The following NRG3 variants were observed in gnomAD, a reference collection of about 807,000 sequenced individuals.
NRG3 encodes the protein neuregulin 3, also known as pro-neuregulin-3, membrane-bound isoform.
Under a neutral mutation model 66.9 loss-of-function variants are expected in NRG3, and 31 were observed. That is an observed-to-expected ratio of 0.46 (90% CI 0.35 to 0.63). NRG3 has a LOEUF of 0.63. Ranked by LOEUF, NRG3 falls within the 20% of genes least tolerant of loss-of-function variation. The pLI is 0.00. For synonymous variants in NRG3, 393 were observed against 359.4 expected, an observed-to-expected ratio of 1.09 and a Z score of -1.06; for missense variants, 910 against 878.9, an observed-to-expected ratio of 1.04 and a Z score of -0.45.
intron 4 of NRG3, among the ~76,000 whole-genome samples, chr10:82,931,172 T>C: frequency 6.6e-6 from 1 of 152,196 alleles, no homozygotes. Flanking sequence ...TACTAGAAAT[T>C]TGGGAGCCAT....
At chr10:82,694,288 A>G (rs2055196326) in intron 2 of NRG3, among the ~76,000 whole-genome samples, 1 of 152,204 alleles carries the variant, frequency 6.6e-6, no homozygotes, top group African/African-American at 2.4e-5. Context: ...GCTAGACACA[A>G]AAGTTCTTCA....
At chr10:82,824,457 A>AG (rs926819431) in intron 3 of NRG3, among the ~76,000 whole-genome samples, 6 of 152,160 alleles carry the variant, frequency 3.9e-5, no homozygotes, top group African/African-American at 1.4e-4. Context: ...TGTTTTCTGA[A>AG]GGGGTTACCC....
At chr10:81,940,149 C>T (rs545007545) in intron 1 of NRG3, among the ~76,000 whole-genome samples, 73 of 152,062 alleles carry the variant, frequency 4.8e-4, no homozygotes, top group Non-Finnish European at 8.7e-4. Flanking sequence ...TTAGTTCAGT[C>T]TTCTTAAATG....
intron 4 of NRG3, among the ~76,000 whole-genome samples, chr10:82,916,154 T>G (rs73311340): frequency 0.069 from 10,489 of 152,274 alleles, 469 homozygotes; most frequent in Admixed American, 0.15. Context: ...TTTTACTTCT[T>G]TAAGGTTGGG....
At chr10:82,384,693 G>T (rs2085863671) in intron 2 of NRG3, among the ~76,000 whole-genome samples, 1 of 152,120 alleles carries the variant, frequency 6.6e-6, no homozygotes, top group South Asian at 2.1e-4. Context: ...TGGTCATTTA[G>T]GTTGATTCCA....
chr10:82,742,638 G>A (rs892889810), intron 3 of NRG3, among the ~76,000 whole-genome samples: 3 of 152,076 alleles, frequency 2.0e-5, no homozygotes, highest in African/African-American at 7.2e-5. Flanking sequence ...GAGTCAAGAG[G>A]AAGTGACCTT....
At chr10:82,203,687 A>T (rs1218899622) in intron 1 of NRG3, among the ~76,000 whole-genome samples, 2 of 152,222 alleles carry the variant, frequency 1.3e-5, no homozygotes, top group African/African-American at 4.8e-5. Context: ...GCCGAATATG[A>T]ATATGTTTAG....
chr10:82,348,320 C>T (rs1363838897), intron 1 of NRG3, among the ~76,000 whole-genome samples: 1 of 148,356 alleles, frequency 6.7e-6, no homozygotes, highest in South Asian at 2.1e-4. Context: ...TTCTCCTTCA[C>T]TTATGAAGCT....
At chr10:82,278,554 T>G (rs2078971448) in intron 1 of NRG3, among the ~76,000 whole-genome samples, 1 of 152,160 alleles carries the variant, frequency 6.6e-6, no homozygotes, top group African/African-American at 2.4e-5. Flanking sequence ...TCGTCGAGGT[T>G]CGTGCAAACA....
intron 1 of NRG3, among the ~76,000 whole-genome samples, chr10:82,337,167 A>G (rs568621098): frequency 6.6e-6 from 1 of 151,874 alleles, no homozygotes; most frequent in East Asian, 1.9e-4. Context: ...ATAAAGTTTC[A>G]CTCTTCTTTC....
intron 2 of NRG3, among the ~76,000 whole-genome samples, chr10:82,438,816 C>A (rs140472733): frequency 1.1e-3 from 171 of 152,268 alleles, no homozygotes; most frequent in Non-Finnish European, 2.9e-4. Context: ...GGCCACCACA[C>A]CACACTGCTC....
chr10:82,856,209 A>G (rs746782522), intron 3 of NRG3, among the ~76,000 whole-genome samples: 2 of 152,088 alleles, frequency 1.3e-5, no homozygotes, highest in African/African-American at 2.4e-5. Context: ...TGGCATTTTT[A>G]CTCATGCAAT....
intron 1 of NRG3, among the ~76,000 whole-genome samples, chr10:82,231,388 A>T (rs575356421): frequency 6.6e-6 from 1 of 152,134 alleles, no homozygotes; most frequent in African/African-American, 2.4e-5. Context: ...ATTGTATTTA[A>T]AAGGTAACAA....
chr10:82,837,665 A>G (rs1348419395), intron 3 of NRG3, among the ~76,000 whole-genome samples: 1 of 152,188 alleles, frequency 6.6e-6, no homozygotes, highest in Non-Finnish European at 1.5e-5. Context: ...GCAGAGGGAC[A>G]CTGGTAAACT....
chr10:82,825,595 G>C (rs2062163440), intron 3 of NRG3, among the ~76,000 whole-genome samples: 1 of 152,166 alleles, frequency 6.6e-6, no homozygotes, highest in African/African-American at 2.4e-5. Flanking sequence ...ATCCTTACTG[G>C]TTTGGACTTC....
intron 2 of NRG3, among the ~76,000 whole-genome samples, chr10:82,451,805 A>G (rs944115252): frequency 6.6e-6 from 1 of 152,166 alleles, no homozygotes; most frequent in Admixed American, 6.5e-5. Flanking sequence ...GTCTGCCCCA[A>G]GAGGCAAAAA....
chr10:82,547,381 GTATGTATA>G (rs1199021305), intron 2 of NRG3, among the ~76,000 whole-genome samples: 2 of 150,366 alleles, frequency 1.3e-5, no homozygotes, highest in Non-Finnish European at 3.0e-5. Context: ...ATCTATATAT[GTATGTATA>G]TATGTATATA....
intron 1 of NRG3, among the ~76,000 whole-genome samples, chr10:82,267,754 A>G (rs1170637587): frequency 6.6e-6 from 1 of 152,146 alleles, no homozygotes; most frequent in Non-Finnish European, 1.5e-5. Flanking sequence ...ATGGAAACCT[A>G]TTACTCAGCT....
intron 1 of NRG3, among the ~76,000 whole-genome samples, chr10:82,231,124 C>T (rs747393891): frequency 5.3e-5 from 8 of 152,060 alleles, no homozygotes; most frequent in Non-Finnish European, 1.2e-4. Context: ...GGGTGGATCA[C>T]CTAAGGTCAG....
Sources: allele counts gnomAD v4.1 joint callset (sites outside exome capture counted in the v4.1 genomes callset), GRCh38; gene constraint gnomAD v4.1.1; transcripts MANE v1.5; gene names NCBI Gene and HGNC (gene_info 2026-07-23, HGNC 2026-07-21).